HHLA2: variants seen among roughly 807,000 people sequenced by gnomAD.
HHLA2 encodes the protein HERV-H LTR-associating protein 2.
Under a neutral mutation model 45.9 loss-of-function variants are expected in HHLA2, and 48 were observed. That is an observed-to-expected ratio of 1.05 (90% CI 0.83 to 1.33). The LOEUF is 1.33. Among genes scored for constraint, HHLA2 ranks in the 40% most tolerant of loss-of-function variants. The probability of loss-of-function intolerance (pLI) is 0.00; values close to 1 mark genes in which losing one functional copy is unlikely to be tolerated. For synonymous variants in HHLA2, 161 were observed against 173.9 expected (o/e 0.93, Z 0.59); for missense variants, 462 against 494.3 (o/e 0.93, Z 0.62).
Position 108,370,287 on chromosome 3 carries a change from TAACA to T in HHLA2, c.1109-5458_1109-5455del, listed in dbSNP as rs558535994. On this transcript the variant is annotated intron_variant, in intron 8 of 10. Transcript: ENST00000619531. ...CCTGACTGTTTGTTAGAAGGAAAAC[TAACA>T]AACAGAAAGGGCATCCACACCAAAA... is the stretch of plus-strand genomic sequence containing the variant. Among the ~76,000 whole-genome samples the T allele has an allele frequency of 1.6e-4, 24 of 152,120 alleles. No homozygotes were observed. In the South Asian group the frequency reaches 4.2e-3, roughly 26 times the overall value.
intron 3 of HHLA2, among the ~76,000 whole-genome samples, chr3:108,334,840 T>C (rs2107393650): frequency 6.6e-6 from 1 of 152,254 alleles, no homozygotes; most frequent in East Asian, 1.9e-4. Context: ...GAAGCTGGAA[T>C]GGCAGATCTG....
chr3:108,370,675 C>T (rs894450616), intron 8 of HHLA2, among the ~76,000 whole-genome samples: 6 of 152,022 alleles, frequency 3.9e-5, no homozygotes, highest in Non-Finnish European at 7.4e-5. Flanking sequence ...AACTACATGA[C>T]GAATTCACAA....
chr3:108,370,296 G>A (rs1168279705), intron 8 of HHLA2, among the ~76,000 whole-genome samples: 1 of 152,190 alleles, frequency 6.6e-6, no homozygotes, highest in Non-Finnish European at 1.5e-5. Context: ...CTAACAAACA[G>A]AAAGGGCATC....
chr3:108,347,242 G>A (rs535293960), intron 3 of HHLA2, among the ~76,000 whole-genome samples: 1 of 152,182 alleles, frequency 6.6e-6, no homozygotes, highest in African/African-American at 2.4e-5. Context: ...ACTAAATCAA[G>A]CCTTTGTGTA....
intron 3 of HHLA2, among the ~76,000 whole-genome samples, chr3:108,345,643 T>A (rs6770072): frequency 0.68 from 102,845 of 152,020 alleles, 35,677 homozygotes; most frequent in African/African-American, 0.77. Context: ...TATGCCTTCC[T>A]CCTTGGGAAG....
intron 3 of HHLA2, among the ~76,000 whole-genome samples, chr3:108,348,680 G>T (rs571025103): frequency 6.6e-6 from 1 of 151,866 alleles, no homozygotes; most frequent in African/African-American, 2.4e-5. Flanking sequence ...TTAAATTCTG[G>T]GTTACATGTG....
intron 7 of HHLA2, 22 bp downstream of exon 6, chr3:108,358,183 A>G (rs2081931363): frequency 6.4e-7 from 1 of 1,557,946 alleles, no homozygotes; most frequent in Admixed American, 1.8e-5. Context: ...GTAGGTTTGG[A>G]TAATGGGTTT....
chr3:108,363,784 G>T (rs374114249), intron 8 of HHLA2, among the ~76,000 whole-genome samples: 6 of 152,248 alleles, frequency 3.9e-5, no homozygotes, highest in African/African-American at 1.4e-4. Context: ...GCATAAGTCA[G>T]TTCTCAACTG....
intron 3 of HHLA2, among the ~76,000 whole-genome samples, chr3:108,341,697 A>G (rs1016942899): frequency 2.0e-5 from 3 of 152,158 alleles, no homozygotes; most frequent in Non-Finnish European, 4.4e-5. Context: ...TTACTTTCAA[A>G]TGTTTGGAGA....
chr3:108,308,394 T>C (rs1404265923), intron 1 of HHLA2, among the ~76,000 whole-genome samples: 1 of 152,250 alleles, frequency 6.6e-6, no homozygotes, highest in Non-Finnish European at 1.5e-5. Flanking sequence ...GTACCACATT[T>C]TCTTTTATCC....
intron 3 of HHLA2, among the ~76,000 whole-genome samples, chr3:108,346,386 C>T (rs1175101778): frequency 6.6e-6 from 1 of 152,186 alleles, no homozygotes; most frequent in African/African-American, 2.4e-5. Flanking sequence ...CCCCAGGATG[C>T]TACAAAGAGT....
intron 1 of HHLA2, among the ~76,000 whole-genome samples, chr3:108,307,712 T>C (rs1389114242): frequency 1.3e-5 from 2 of 152,198 alleles, no homozygotes; most frequent in Non-Finnish European, 2.9e-5. Flanking sequence ...GGTTCATTTG[T>C]CAAAACTTAA....
chr3:108,353,566 C>T, exon 5 of HHLA2: 1 of 1,613,628 alleles, frequency 6.2e-7, no homozygotes, highest in Non-Finnish European at 8.5e-7. Context: ...ATCAAGATAG[C>T]TATAAGGTTC....
At chr3:108,321,604 T>C (rs2081203885) in intron 2 of HHLA2, among the ~76,000 whole-genome samples, 1 of 152,174 alleles carries the variant, frequency 6.6e-6, no homozygotes, top group African/African-American at 2.4e-5. Context: ...TCCCTAGTTT[T>C]CTGAAATTTC....
chr3:108,369,328 G>A (rs1165404838), intron 8 of HHLA2, among the ~76,000 whole-genome samples: 1 of 152,122 alleles, frequency 6.6e-6, no homozygotes, highest in African/African-American at 2.4e-5. Flanking sequence ...AGATTCACGG[G>A]GGGAGGAGCC....
intron 2 of HHLA2, among the ~76,000 whole-genome samples, chr3:108,317,576 C>CCTTTTTTTTT (rs778903008): frequency 8.2e-6 from 1 of 122,614 alleles, no homozygotes. Flanking sequence ...GAGATTACTT[C>CCTTTTTTTTT]TTTTTTTTTT....
At chr3:108,365,837 T>A (rs1205387740) in intron 8 of HHLA2, among the ~76,000 whole-genome samples, 1 of 152,212 alleles carries the variant, frequency 6.6e-6, no homozygotes, top group Non-Finnish European at 1.5e-5. Flanking sequence ...TGATTTTGTA[T>A]CCTGAGACTT....
intron 8 of HHLA2, among the ~76,000 whole-genome samples, chr3:108,371,151 G>A (rs2082163039): frequency 6.6e-6 from 1 of 152,208 alleles, no homozygotes; most frequent in African/African-American, 2.4e-5. Flanking sequence ...CTACAAGCCA[G>A]AAGAGAGTGG....
chr3:108,332,545 A>G (rs1560218464), intron 3 of HHLA2, among the ~76,000 whole-genome samples: 1 of 152,202 alleles, frequency 6.6e-6, no homozygotes, highest in Non-Finnish European at 1.5e-5. Context: ...TCCTAACAGT[A>G]GAGTTGCTGA....
Sources: allele counts gnomAD v4.1 joint callset (sites outside exome capture counted in the v4.1 genomes callset), GRCh38; gene constraint gnomAD v4.1.1; transcripts MANE v1.5; gene names NCBI Gene and HGNC (gene_info 2026-07-23, HGNC 2026-07-21).